CDH18: variants seen among roughly 807,000 people sequenced by gnomAD.
The protein encoded by CDH18 is cadherin-18.
A neutral mutation model predicts 67.9 loss-of-function variants in CDH18; 31 were observed. The ratio of observed to expected loss-of-function variants is 0.46; its 90% CI spans 0.34 to 0.62. The LOEUF is 0.62. CDH18 is among the 20% of genes least tolerant of loss of function. CDH18 has a pLI of 0.01. For synonymous variants in CDH18, 362 were observed against 347.2 expected (o/e 1.04, Z -0.48); for missense variants, 890 against 975.5 (o/e 0.91, Z 1.17).
intron 2 of CDH18, among the ~76,000 whole-genome samples, chr5:19,843,482 T>A (rs1186527124): frequency 7.9e-6 from 1 of 127,060 alleles, no homozygotes; most frequent in Non-Finnish European, 1.8e-5. Context: ...TAGGAACACC[T>A]GGATGGCTAG....
intron 3 of CDH18, among the ~76,000 whole-genome samples, chr5:19,765,864 A>T (rs983464299): frequency 6.7e-5 from 9 of 134,974 alleles, no homozygotes; most frequent in African/African-American, 2.5e-4. Flanking sequence ...TAAAAATGGA[A>T]ATTTTATTCA....
intron 5 of CDH18, among the ~76,000 whole-genome samples, chr5:19,641,404 G>C (rs1001968803): frequency 2.2e-4 from 33 of 151,986 alleles, no homozygotes; most frequent in African/African-American, 7.5e-4. Flanking sequence ...AAAATGATTG[G>C]TCAATATTCT....
intron 5 of CDH18, among the ~76,000 whole-genome samples, chr5:19,638,783 G>C (rs1016039745): frequency 1.3e-4 from 19 of 151,886 alleles, no homozygotes; most frequent in Middle Eastern, 6.8e-3. Flanking sequence ...AAAAGGATAG[G>C]ATAAGGAGTT....
chr5:19,892,072 G>C (rs188329498), intron 2 of CDH18, among the ~76,000 whole-genome samples: 18 of 151,870 alleles, frequency 1.2e-4, no homozygotes, highest in Non-Finnish European at 1.8e-4. Flanking sequence ...TAGGTGTCAG[G>C]GATGATAAAA....
intron 1 of CDH18, among the ~76,000 whole-genome samples, chr5:20,379,011 C>G (rs890950827): frequency 1.3e-5 from 2 of 152,068 alleles, no homozygotes; most frequent in Non-Finnish European, 2.9e-5. Context: ...AATGGTTCAG[C>G]AAATGGGCAT....
At chr5:20,287,971 T>C (rs1318165760) in intron 1 of CDH18, among the ~76,000 whole-genome samples, 1 of 151,866 alleles carries the variant, frequency 6.6e-6, no homozygotes, top group African/African-American at 2.4e-5. Context: ...ATTTGATGTA[T>C]AAAGCGTTGC....
intron 3 of CDH18, among the ~76,000 whole-genome samples, chr5:19,755,458 TACAC>T (rs70950099): frequency 0.014 from 128 of 9,440 alleles, 16 homozygotes; most frequent in Admixed American, 0.019. Flanking sequence ...TATATATATA[TACAC>T]ACACACACAC....
At chr5:19,714,810 C>T (rs1299823599) in intron 5 of CDH18, among the ~76,000 whole-genome samples, 1 of 151,732 alleles carries the variant, frequency 6.6e-6, no homozygotes, top group Non-Finnish European at 1.5e-5. Flanking sequence ...CTTTATTTTG[C>T]TTAAAAATTA....
intron 11 of CDH18, among the ~76,000 whole-genome samples, chr5:19,496,585 G>A (rs1289872808): frequency 6.6e-6 from 1 of 152,060 alleles, no homozygotes; most frequent in Non-Finnish European, 1.5e-5. Context: ...GGCCAAGGCG[G>A]GTGGATCACT....
intron 2 of CDH18, among the ~76,000 whole-genome samples, chr5:20,064,697 C>T (rs148281724): frequency 1.3e-4 from 20 of 151,880 alleles, no homozygotes; most frequent in Admixed American, 5.9e-4. Flanking sequence ...AATTAAACGC[C>T]GATTCTCGGT....
intron 2 of CDH18, among the ~76,000 whole-genome samples, chr5:20,248,383 C>T (rs1254586946): frequency 6.6e-6 from 1 of 152,182 alleles, no homozygotes; most frequent in Non-Finnish European, 1.5e-5. Context: ...TTCTGTCCCC[C>T]AGAGGATAAC....
At chr5:19,970,084 G>GAGCT (rs887015677) in intron 2 of CDH18, among the ~76,000 whole-genome samples, 14 of 151,898 alleles carry the variant, frequency 9.2e-5, no homozygotes, top group Non-Finnish European at 1.9e-4. Flanking sequence ...GAAAGTTGAT[G>GAGCT]AGCTGAACAG....
intron 2 of CDH18, among the ~76,000 whole-genome samples, chr5:20,026,642 G>A (rs1214498219): frequency 2.0e-5 from 3 of 152,140 alleles, no homozygotes; most frequent in African/African-American, 7.2e-5. Flanking sequence ...AGATCAACGT[G>A]AGCAATAAGG....
Position 20,404,788 on chromosome 5 carries a change from G to T in CDH18, c.-579-149283C>A, listed in dbSNP as rs898109779. Among the ~76,000 whole-genome samples, 4 of 152,096 alleles carry T rather than the reference G, an allele frequency of 2.6e-5. No homozygotes were observed. The South Asian group carries it at 8.3e-4, about 32-fold the overall frequency. On this transcript the variant is annotated intron_variant, in intron 1 of 14. Transcript: ENST00000507958. ...TGCTATTGAAAAAATGACGTGAGTT[G>T]ACTTACTCCATGCAGGGTTGCTATA... is the stretch of plus-strand genomic sequence containing the variant.
intron 2 of CDH18, among the ~76,000 whole-genome samples, chr5:19,994,294 T>C (rs572175771): frequency 1.3e-5 from 2 of 151,468 alleles, no homozygotes; most frequent in South Asian, 4.2e-4. Context: ...CATATATGTA[T>C]ACATATATAC....
chr5:19,493,930 T>C (rs1369974593), intron 11 of CDH18, among the ~76,000 whole-genome samples: 1 of 152,138 alleles, frequency 6.6e-6, no homozygotes, highest in African/African-American at 2.4e-5. Flanking sequence ...TTCTGTAACA[T>C]TCAGTATTTT....
chr5:20,003,492 T>A (rs1440645472), intron 2 of CDH18, among the ~76,000 whole-genome samples: 5 of 152,126 alleles, frequency 3.3e-5, no homozygotes, highest in South Asian at 2.1e-4. Context: ...CCCATCTTTT[T>A]AAAAAAAATG....
At chr5:20,362,579 C>T (rs939388080) in intron 1 of CDH18, among the ~76,000 whole-genome samples, 1 of 152,058 alleles carries the variant, frequency 6.6e-6, no homozygotes, top group African/African-American at 2.4e-5. Context: ...GTATAGATCA[C>T]TGACAAGCTA....
intron 2 of CDH18, among the ~76,000 whole-genome samples, chr5:20,231,166 A>C (rs949314704): frequency 6.6e-6 from 1 of 152,218 alleles, no homozygotes; most frequent in Non-Finnish European, 1.5e-5. Flanking sequence ...AAATTGTATA[A>C]GTGATAAATT....
Sources: allele counts gnomAD v4.1 joint callset (sites outside exome capture counted in the v4.1 genomes callset), GRCh38; gene constraint gnomAD v4.1.1; transcripts MANE v1.5; gene names NCBI Gene and HGNC (gene_info 2026-07-23, HGNC 2026-07-21).